TENT4B: variants seen among roughly 807,000 people sequenced by gnomAD.
TENT4B encodes the protein PAP associated domain containing 5.
Under a neutral mutation model 75.0 loss-of-function variants are expected in TENT4B, and 10 were observed. The ratio of observed to expected loss-of-function variants is 0.13; its 90% confidence interval spans 0.08 to 0.23. The LOEUF (loss-of-function observed/expected upper bound fraction) is 0.23. Among genes scored for constraint, TENT4B ranks in the 10% least tolerant of loss-of-function variants. TENT4B has a pLI of 1.00. For missense variants in TENT4B, 579 were observed against 893.8 expected (o/e 0.65, Z 4.49); for synonymous variants, 350 against 357.7 (o/e 0.98, Z 0.24).
At chr16:50,222,262 TTGC>T in intron 5 of TENT4B, 41 bp from the exon 6 acceptor site, 9 of 1,533,202 alleles carry the variant, frequency 5.9e-6, no homozygotes, top group Non-Finnish European at 7.1e-6. Context: ...CTTAGATCTG[TTGC>T]TGATACAGGA....
At position 50,229,295 on chromosome 16, in the gene TENT4B, G is replaced by C; in HGVS notation, c.2109G>C (p.Lys703Asn). ...ACCATGGCAAAAAGAGGAAACACAA[G>C]AGGGACGCGCCCCTCTCAGACCTCT... Reference protein sequence around the residue: ...QYYHGKKRKHKRDAPLSDLCR With the variant: ...QYYHGKKRKHNRDAPLSDLCR Residue 703 changes from lysine (K) to asparagine (N), a missense_variant, in exon 12 of 12, where the codon AAG becomes AAC. Lys to Asn is a moderately conservative substitution (Grantham distance 94). This residue lies in a region of TENT4B where 164 missense variants were observed against 226.5 expected (regional missense o/e 0.72). Transcript: ENST00000561678. 1.9e-6 allele frequency: 3 copies of C among 1,613,856 alleles called. No individual in the cohort carries two copies. Among genetic ancestry groups the C allele is most frequent in the Non-Finnish European group, 2.5e-6 (3 of 1,179,822 alleles).
chr16:50,172,830 A>AC, intron 1 of TENT4B, among the ~76,000 whole-genome samples: 1 of 152,158 alleles, frequency 6.6e-6, no homozygotes, highest in East Asian at 1.9e-4. Flanking sequence ...ATCTACCTGA[A>AC]CCCCTGATAA....
rs1349188835 is a variant in TENT4B, at chr16:50,154,165, G to A, written c.544G>A (p.Gly182Arg). Reference protein sequence around the residue: ...LNYSLLQPSGGRAAGGGRADG... With the variant: ...LNYSLLQPSGRRAAGGGRADG... The stretch of plus-strand genomic sequence containing the variant: ...CTACAGCCTGCTGCAGCCCAGCGGA[G>A]GGCGGGCCGCGGGGGGCGGCCGAGC... Residue 182 changes from glycine (G) to arginine (R), a missense_variant, in exon 1 of 12, where the codon GGG becomes AGG. This residue lies in a region of TENT4B where 253 missense variants were observed against 270.1 expected (regional missense o/e 0.94). Coordinates refer to ENST00000561678, the MANE Select transcript of TENT4B (RefSeq NM_001365324.3). The A allele has an allele frequency of 2.0e-6, 3 of 1,515,264 alleles. No homozygotes were observed. The highest frequency in any genetic ancestry group is 2.8e-5 in the African/African-American group (2 of 71,190). The allele number at this position is 1,515,264 out of a possible 1,614,324, so 93.9% of individuals were successfully genotyped here.
At chr16:50,156,447 C>T (rs746577231) in intron 1 of TENT4B, among the ~76,000 whole-genome samples, 5 of 151,582 alleles carry the variant, frequency 3.3e-5, no homozygotes, top group Admixed American at 1.3e-4. Context: ...CAGGTTCAAG[C>T]GATTCTGCTG....
At chr16:50,171,985 A>G (rs1216216805) in intron 1 of TENT4B, among the ~76,000 whole-genome samples, 1 of 152,082 alleles carries the variant, frequency 6.6e-6, no homozygotes, top group Admixed American at 6.6e-5. Flanking sequence ...GGTTGCAGTG[A>G]GCCAAGATTG....
intron 1 of TENT4B, among the ~76,000 whole-genome samples, chr16:50,174,506 A>G (rs2038265765): frequency 6.6e-6 from 1 of 152,232 alleles, no homozygotes. Context: ...TGATATTTTG[A>G]TACATGCATA....
intron 10 of TENT4B, among the ~76,000 whole-genome samples, chr16:50,227,094 A>G (rs763342627): frequency 6.6e-6 from 1 of 152,268 alleles, no homozygotes; most frequent in Non-Finnish European, 1.5e-5. Context: ...AGTGTAGGAC[A>G]TGAAAAGTAA....
At chr16:50,180,538 T>G (rs2038393778) in intron 1 of TENT4B, among the ~76,000 whole-genome samples, 1 of 152,112 alleles carries the variant, frequency 6.6e-6, no homozygotes, top group African/African-American at 2.4e-5. Flanking sequence ...GAAACCCTGT[T>G]TCTACTAAAA....
intron 1 of TENT4B, 120 bp from the exon 2 acceptor site, chr16:50,211,203 C>A: frequency 9.6e-7 from 1 of 1,039,998 alleles, no homozygotes; most frequent in African/African-American, 1.7e-5. Context: ...TGAGTTATAA[C>A]ATTAAAATTA....
intron 1 of TENT4B, among the ~76,000 whole-genome samples, chr16:50,182,891 C>CTTTTTTTTTTTTTT: frequency 0.018 from 651 of 36,454 alleles, 141 homozygotes; most frequent in Non-Finnish European, 0.024. Context: ...TTTATTTTAC[C>CTTTTTTTTTTTTTT]TTTTTTTTTT....
intron 1 of TENT4B, among the ~76,000 whole-genome samples, chr16:50,176,338 G>A (rs892845434): frequency 1.3e-5 from 2 of 151,068 alleles, no homozygotes; most frequent in African/African-American, 4.9e-5. Context: ...GCCCGCCTCC[G>A]TCTCCCAAAG....
At chr16:50,183,405 A>G (rs1428823922) in intron 1 of TENT4B, among the ~76,000 whole-genome samples, 1 of 149,596 alleles carries the variant, frequency 6.7e-6, no homozygotes, top group Non-Finnish European at 1.5e-5. Context: ...TGTTCATTGG[A>G]GTGTGTGTGT....
chr16:50,163,345 T>C (rs1387470760), intron 1 of TENT4B, among the ~76,000 whole-genome samples: 2 of 152,170 alleles, frequency 1.3e-5, no homozygotes, highest in African/African-American at 4.8e-5. Flanking sequence ...GTGTTTATAC[T>C]ACTGTCCCTA....
chr16:50,170,593 C>T (rs369266665), intron 1 of TENT4B, among the ~76,000 whole-genome samples: 2 of 152,180 alleles, frequency 1.3e-5, no homozygotes, highest in East Asian at 3.9e-4. Context: ...TAGGTCACAG[C>T]TACCTTAGGA....
chr16:50,188,344 G>A (rs1309523308), intron 1 of TENT4B, among the ~76,000 whole-genome samples: 1 of 152,020 alleles, frequency 6.6e-6, no homozygotes, highest in Non-Finnish European at 1.5e-5. Context: ...TCTGCCCTTC[G>A]CTTGGCATGT....
intron 1 of TENT4B, among the ~76,000 whole-genome samples, chr16:50,168,853 C>T (rs1024067564): frequency 6.6e-6 from 1 of 151,912 alleles, no homozygotes; most frequent in African/African-American, 2.4e-5. Context: ...AACATGTTGG[C>T]CAGGCTGGTC....
intron 1 of TENT4B, among the ~76,000 whole-genome samples, chr16:50,166,541 T>C (rs1033748768): frequency 2.0e-5 from 3 of 152,234 alleles, no homozygotes; most frequent in African/African-American, 7.2e-5. Flanking sequence ...TGGAGAAATA[T>C]CTATTCAAAT....
chr16:50,190,580 A>C (rs1313931492), intron 1 of TENT4B, among the ~76,000 whole-genome samples: 1 of 152,006 alleles, frequency 6.6e-6, no homozygotes, highest in Non-Finnish European at 1.5e-5. Context: ...TAGTATTTTC[A>C]AGGTTCATCC....
At chr16:50,153,189 G>GGC (rs1278564882), upstream of TENT4B, among the ~76,000 whole-genome samples, 1 of 126,892 alleles carries the variant, frequency 7.9e-6, no homozygotes, top group Admixed American at 7.4e-5. Flanking sequence ...GCGGTGGGGG[G>GGC]GGGGGGCGGA....
Sources: allele counts gnomAD v4.1 joint callset (sites outside exome capture counted in the v4.1 genomes callset), GRCh38; gene constraint gnomAD v4.1.1; regional missense constraint gnomAD v4.1.1; transcripts MANE v1.5; gene names NCBI Gene and HGNC (gene_info 2026-07-23, HGNC 2026-07-21).